The following PRELID2 variants were observed in gnomAD, a reference collection of about 807,000 sequenced individuals.
PRELID2 encodes the protein PRELI domain-containing protein 2.
Under a neutral mutation model 28.4 loss-of-function variants are expected in PRELID2, and 25 were observed. That is an observed-to-expected ratio of 0.88 (90% CI 0.64 to 1.23). PRELID2 has a LOEUF of 1.23. Ranked by LOEUF, PRELID2 falls within the 50% of genes most tolerant of loss-of-function variation. PRELID2 has a pLI of 0.00. For synonymous variants in PRELID2, 76 were observed against 71.6 expected, an observed-to-expected ratio of 1.06 and a Z score of -0.31; for missense variants, 201 against 214.4, an observed-to-expected ratio of 0.94 and a Z score of 0.39.
At chr5:145,238,817 G>A in the PRELID2 span, among the ~76,000 whole-genome samples, 165 of 152,064 alleles carry the variant, frequency 1.1e-3, 1 homozygote, top group African/African-American at 3.4e-3. Context: ...GCAAATGAAA[G>A]CCTACACAAA....
intron 1 of PRELID2, among the ~76,000 whole-genome samples, chr5:145,556,446 G>A (rs1486370893): frequency 6.6e-6 from 1 of 151,978 alleles, no homozygotes; most frequent in East Asian, 1.9e-4. Context: ...TTCAGCTCTG[G>A]TATTTCTCAG....
intron 1 of PRELID2, among the ~76,000 whole-genome samples, chr5:145,831,061 AT>A (rs1755551653): frequency 6.6e-6 from 1 of 152,222 alleles, no homozygotes; most frequent in East Asian, 1.9e-4. Context: ...TGAAAAAAAA[AT>A]CATAAAGACT....
intron 1 of PRELID2, among the ~76,000 whole-genome samples, chr5:145,669,768 T>C (rs1300264977): frequency 1.3e-5 from 2 of 152,116 alleles, no homozygotes; most frequent in Admixed American, 1.3e-4. Context: ...CATCCTCTCA[T>C]GATTTTCACA....
At chr5:145,751,452 G>C (rs1204088895), downstream of PRELID2, among the ~76,000 whole-genome samples, 1 of 152,182 alleles carries the variant, frequency 6.6e-6, no homozygotes, top group Non-Finnish European at 1.5e-5. Context: ...AATTGTATTA[G>C]GCTGAACCAT....
chr5:145,619,565 C>T (rs1753746410), intron 1 of PRELID2, among the ~76,000 whole-genome samples: 1 of 152,204 alleles, frequency 6.6e-6, no homozygotes, highest in South Asian at 2.1e-4. Context: ...TCTCCCAGGT[C>T]CTGTAGGAGC....
rs1391848299 is a variant in PRELID2 at position 145,764,986 on chromosome 5, CATG to C, written c.486_488del (p.Ile162del). On this transcript the variant is annotated inframe_deletion, in exon 6 of 7. Coordinates refer to ENST00000683046, the MANE Select transcript of PRELID2 (RefSeq NM_205846.3). ...CACACTGTTCCTTTAGCAGCATCTC[CATG>C]ATTCTAATTCCCTATAGAAAGAAGG... is the stretch of plus-strand genomic sequence containing the variant. The C allele has an allele frequency of 7.5e-6, 12 of 1,609,202 alleles. No homozygotes were observed. Among genetic ancestry groups the C allele is most frequent in the Non-Finnish European group, 9.3e-6 (11 of 1,177,814 alleles).
chr5:145,805,074 C>A (rs925059735), intron 4 of PRELID2, among the ~76,000 whole-genome samples: 1 of 152,102 alleles, frequency 6.6e-6, no homozygotes, highest in Non-Finnish European at 1.5e-5. Flanking sequence ...TACCAAAATT[C>A]TTTATTTCCT....
intron 1 of PRELID2, among the ~76,000 whole-genome samples, chr5:145,602,974 C>T (rs1250867944): frequency 6.6e-6 from 1 of 152,134 alleles, no homozygotes; most frequent in East Asian, 1.9e-4. Flanking sequence ...ATTGCTTGAA[C>T]CCAGGAGGCG....
At chr5:145,363,208 G>A in the PRELID2 span, among the ~76,000 whole-genome samples, 3 of 151,214 alleles carry the variant, frequency 2.0e-5, no homozygotes, top group Non-Finnish European at 2.9e-5. Flanking sequence ...GTTACCTAGC[G>A]AACATTGATA....
chr5:145,645,890 A>T (rs1754188228), intron 1 of PRELID2, among the ~76,000 whole-genome samples: 1 of 152,182 alleles, frequency 6.6e-6, no homozygotes, highest in Admixed American at 6.5e-5. Flanking sequence ...GGGTTTCTGC[A>T]GAAAAGATCC....
At chr5:145,590,829 C>A (rs1282712034) in intron 1 of PRELID2, among the ~76,000 whole-genome samples, 6 of 152,084 alleles carry the variant, frequency 3.9e-5, no homozygotes, top group African/African-American at 1.4e-4. Flanking sequence ...CTATGCCCCC[C>A]ACTGACATTA....
chr5:145,792,477 C>G (rs1303622293), intron 5 of PRELID2, among the ~76,000 whole-genome samples: 1 of 152,174 alleles, frequency 6.6e-6, no homozygotes, highest in Non-Finnish European at 1.5e-5. Flanking sequence ...AAACAAGGCT[C>G]AATAAATTTT....
chr5:145,338,144 T>C, the PRELID2 span: 1 of 152,328 alleles, frequency 6.6e-6, no homozygotes, highest in East Asian at 1.9e-4. Context: ...GAAGAACATG[T>C]TGCAGTCACT....
rs12522970 is a variant in PRELID2, at chr5:145,644,269, A to G, written n.70+120662T>C. 1.4e-3 allele frequency among the ~76,000 whole-genome samples: 217 copies of G among 152,200 alleles called. 1 individual carries two copies. The highest frequency in any genetic ancestry group is 0.01 in the Admixed American group (158 of 15,292). ...GGTGTATGTGTCCAGGAATTTATCC[A>G]TTTCTTCTAGATTTTCCAGTTTATT... On this transcript the variant is annotated intron_variant and non_coding_transcript_variant, in intron 1 of 2. Coordinates refer to the PRELID2 transcript ENST00000510259.
the PRELID2 span, among the ~76,000 whole-genome samples, chr5:145,319,633 T>C: frequency 3.9e-5 from 6 of 151,956 alleles, no homozygotes; most frequent in Admixed American, 3.3e-4. Flanking sequence ...TTCGTGCCAC[T>C]GCACTCTAGA....
the PRELID2 span, among the ~76,000 whole-genome samples, chr5:145,420,336 T>G: frequency 1.3e-5 from 2 of 152,162 alleles, no homozygotes; most frequent in African/African-American, 4.8e-5. Context: ...ATGGCCATTT[T>G]CACAATATTG....
the PRELID2 span, among the ~76,000 whole-genome samples, chr5:145,267,927 T>A: frequency 6.6e-6 from 1 of 152,196 alleles, no homozygotes; most frequent in South Asian, 2.1e-4. Context: ...CATTTTAATA[T>A]AACTGTTTAC....
chr5:145,734,569 C>T (rs909105165), intron 1 of PRELID2, among the ~76,000 whole-genome samples: 19 of 152,152 alleles, frequency 1.2e-4, no homozygotes, highest in African/African-American at 3.9e-4. Context: ...AGTGATTATT[C>T]AGGATGCTGT....
chr5:145,252,249 C>CA, the PRELID2 span, among the ~76,000 whole-genome samples: 1 of 151,926 alleles, frequency 6.6e-6, no homozygotes, highest in Non-Finnish European at 1.5e-5. Context: ...TGTTAAAGTC[C>CA]AAAAAACATC....
Sources: allele counts gnomAD v4.1 joint callset (sites outside exome capture counted in the v4.1 genomes callset), GRCh38; gene constraint gnomAD v4.1.1; transcripts MANE v1.5; gene names NCBI Gene and HGNC (gene_info 2026-07-23, HGNC 2026-07-21).